Variants in PCDHA9 observed in about 807,000 individuals in gnomAD.
PCDHA9 encodes the protein protocadherin alpha 9.
In PCDHA9, 62 loss-of-function variants were observed where a neutral mutation model predicts 62.0. The ratio of observed to expected loss-of-function variants is 1.00; its 90% CI spans 0.81 to 1.23. The LOEUF is 1.23. PCDHA9 is among the 50% of genes most tolerant of loss of function. The probability of loss-of-function intolerance (pLI) is 0.00; values close to 1 mark genes in which losing one functional copy is unlikely to be tolerated. For missense variants in PCDHA9, 1,205 were observed against 1,249.8 expected (o/e 0.96, Z 0.54); for synonymous variants, 557 against 567.6 (o/e 0.98, Z 0.27).
At chr5:140,999,766 A>G (rs1417826824) in intron 3 of PCDHA9, among the ~76,000 whole-genome samples, 2 of 152,180 alleles carry the variant, frequency 1.3e-5, no homozygotes, top group African/African-American at 2.4e-5. Flanking sequence ...TGATGTCTTT[A>G]TACTCTTAAC....
intron 1 of PCDHA9, among the ~76,000 whole-genome samples, chr5:140,916,805 A>G (rs560427769): frequency 6.6e-6 from 1 of 152,152 alleles, no homozygotes; most frequent in Non-Finnish European, 1.5e-5. Context: ...ATGACTTCCT[A>G]GGTCATGTGC....
intron 1 of PCDHA9, chr5:140,852,574 G>T (rs1056497020): frequency 3.8e-6 from 3 of 793,008 alleles, no homozygotes; most frequent in Non-Finnish European, 4.7e-6. Context: ...CTGTGCCAAG[G>T]CTTTTTTATT....
chr5:140,959,753 T>C (rs1479386012), intron 1 of PCDHA9, among the ~76,000 whole-genome samples: 1 of 152,226 alleles, frequency 6.6e-6, no homozygotes. Context: ...TTAAAGTATA[T>C]TTTAATATTC....
At chr5:140,927,525 T>C in intron 1 of PCDHA9, 1 of 1,614,088 alleles carries the variant, frequency 6.2e-7, no homozygotes, top group Non-Finnish European at 8.5e-7. Context: ...GCGGGCTACC[T>C]GCCCGCTCAG....
Position 140,914,039 on chromosome 5 carries a change from G to A in PCDHA9, c.2394+63150G>A, listed in dbSNP as rs147787020. Among the ~76,000 whole-genome samples the A allele has an allele frequency of 2.0e-5, 3 of 152,238 alleles. No individual in the cohort carries two copies. In the East Asian group the frequency reaches 5.8e-4, roughly 29 times the overall value. ...ATGATCCACGTGCTGAGAAGAATGT[G>A]TATTCTGCAGCTGTTGGATGAAATG... is the stretch of plus-strand genomic sequence containing the variant. On this transcript the variant is annotated intron_variant, in intron 1 of 3. Coordinates refer to ENST00000532602, the MANE Select transcript of PCDHA9 (RefSeq NM_031857.2).
At chr5:140,888,956 G>T (rs1043287613) in intron 1 of PCDHA9, among the ~76,000 whole-genome samples, 2 of 151,722 alleles carry the variant, frequency 1.3e-5, no homozygotes, top group Non-Finnish European at 2.9e-5. Flanking sequence ...TTTTTCTTTG[G>T]CAATGTTAAT....
rs371515299 is a variant in PCDHA9, at chr5:140,870,550, G to T, written c.2394+19661G>T. 1.5e-5 allele frequency: 24 copies of T among 1,613,948 alleles called. No individual in the cohort carries two copies. The highest frequency in any genetic ancestry group is 1.6e-4 in the Middle Eastern group (1 of 6,080). ...CACAGTGTCGGCGCGGGACGCGGAC[G>T]CGCAGGAGAACGCGCTGGTGTCCTA... On this transcript the variant is annotated intron_variant, in intron 1 of 3. Transcript: ENST00000532602.
chr5:140,862,898 CTG>C, intron 1 of PCDHA9: 2 of 555,934 alleles, frequency 3.6e-6, no homozygotes, highest in Non-Finnish European at 3.5e-6. Context: ...ACAACTTTGT[CTG>C]CGCTGCTGGC....
intron 1 of PCDHA9, among the ~76,000 whole-genome samples, chr5:140,959,354 A>C (rs1021119947): frequency 2.0e-5 from 3 of 152,244 alleles, no homozygotes; most frequent in African/African-American, 7.2e-5. Context: ...CAGCGGGACA[A>C]CTGAGTGAGA....
At chr5:140,886,827 GAAAA>G (rs782016620) in intron 1 of PCDHA9, among the ~76,000 whole-genome samples, 16 of 60,888 alleles carry the variant, frequency 2.6e-4, no homozygotes, top group Non-Finnish European at 3.3e-4. Flanking sequence ...ACTTCGTCTT[GAAAA>G]AAAAAAAAAA....
intron 1 of PCDHA9, chr5:140,876,644 C>G: frequency 2.5e-6 from 4 of 1,614,200 alleles, no homozygotes; most frequent in Non-Finnish European, 3.4e-6. Context: ...TCACTGACAC[C>G]TCATGTTCCC....
intron 2 of PCDHA9, among the ~76,000 whole-genome samples, chr5:140,979,396 G>C (rs2096848299): frequency 6.6e-6 from 1 of 151,692 alleles, no homozygotes; most frequent in South Asian, 2.1e-4. Flanking sequence ...ATACATACAT[G>C]TTGTCTACCT....
At chr5:140,943,717 T>A (rs1269511670) in intron 1 of PCDHA9, among the ~76,000 whole-genome samples, 1 of 152,108 alleles carries the variant, frequency 6.6e-6, no homozygotes, top group Non-Finnish European at 1.5e-5. Context: ...CATTTAAAGG[T>A]CTGAGAGAAT....
chr5:140,872,338 A>T (rs970096150), intron 1 of PCDHA9, among the ~76,000 whole-genome samples: 2 of 152,156 alleles, frequency 1.3e-5, no homozygotes, highest in Non-Finnish European at 2.9e-5. Context: ...AAAATTCTAC[A>T]TGTTCTTGCC....
chr5:140,926,828 C>T (rs2083578925), intron 1 of PCDHA9: 1 of 1,501,376 alleles, frequency 6.7e-7, no homozygotes, highest in African/African-American at 1.4e-5. Flanking sequence ...TCCAGGAGTC[C>T]GGAGCATGGT....
At chr5:140,972,197 A>G (rs2096524584) in intron 1 of PCDHA9, among the ~76,000 whole-genome samples, 1 of 152,100 alleles carries the variant, frequency 6.6e-6, no homozygotes. Context: ...GCTGGAGTAT[A>G]GGTGTGAATA....
At chr5:140,963,989 T>C (rs2095803669) in intron 1 of PCDHA9, among the ~76,000 whole-genome samples, 1 of 152,202 alleles carries the variant, frequency 6.6e-6, no homozygotes, top group Non-Finnish European at 1.5e-5. Flanking sequence ...ATATTCCTAA[T>C]TACTGTGTTC....
chr5:141,010,074 G>T lies in PCDHA9; in HGVS notation c.*137G>T, dbSNP rs1444826216. The stretch of plus-strand genomic sequence containing the variant: ...CTCAGAAATCTGCAGAAAGTTCCCT[G>T]TGTCTGTCTAGAACGCATTTAACAG... On this transcript the variant is annotated 3_prime_UTR_variant, in exon 4 of 4. Coordinates refer to ENST00000532602, the MANE Select transcript of PCDHA9 (RefSeq NM_031857.2). 6.8e-6 allele frequency: 11 copies of T among 1,607,726 alleles called. No individual in the cohort carries two copies. Among genetic ancestry groups the T allele is most frequent in the Non-Finnish European group, 9.3e-6 (11 of 1,176,762 alleles).
At chr5:140,897,518 T>A (rs2066160092) in intron 1 of PCDHA9, among the ~76,000 whole-genome samples, 2 of 152,260 alleles carry the variant, frequency 1.3e-5, no homozygotes, top group Admixed American at 1.3e-4. Context: ...GGACATGAAC[T>A]CATCATTTTT....
Sources: gnomAD v4.1 joint callset for allele counts (sites outside exome capture counted in the v4.1 genomes callset) on GRCh38, gnomAD v4.1.1 for gene constraint, MANE v1.5 for transcripts, NCBI Gene and HGNC (gene_info 2026-07-23, HGNC 2026-07-21) for gene names.